PLPPR5: variants seen among roughly 807,000 people sequenced by gnomAD.
PLPPR5 encodes the protein phospholipid phosphatase related 5.
PLPPR5 carries 16 observed loss-of-function variants against 33.9 expected under a neutral mutation model. The observed-to-expected ratio is 0.47, with a 90% CI of 0.32 to 0.72. PLPPR5 has a LOEUF of 0.72. Ranked by LOEUF, PLPPR5 falls within the 30% of genes least tolerant of loss-of-function variation. The pLI is 0.03. For missense variants in PLPPR5, 301 were observed against 406.7 expected (o/e 0.74, Z 2.23); for synonymous variants, 163 against 150.3 (o/e 1.08, Z -0.62).
At chr1:98,933,448 A>C (rs992663082) in intron 3 of PLPPR5, among the ~76,000 whole-genome samples, 1 of 143,792 alleles carries the variant, frequency 7.0e-6, no homozygotes, top group Admixed American at 7.4e-5. Context: ...GTGCCACTGC[A>C]CTCCAGCCTG....
At chr1:98,911,937 G>A (rs1054663322) in intron 5 of PLPPR5, among the ~76,000 whole-genome samples, 2 of 151,920 alleles carry the variant, frequency 1.3e-5, no homozygotes, top group African/African-American at 2.4e-5. Flanking sequence ...TTTTTATTTT[G>A]TATTTTTTGT....
intron 3 of PLPPR5, among the ~76,000 whole-genome samples, chr1:98,940,039 G>A (rs537565127): frequency 6.6e-6 from 1 of 151,926 alleles, no homozygotes; most frequent in East Asian, 1.9e-4. Flanking sequence ...GAGTGGAATA[G>A]AGTGATCAAA....
At chr1:98,901,809 C>T (rs1380040818) in intron 5 of PLPPR5, among the ~76,000 whole-genome samples, 1 of 151,636 alleles carries the variant, frequency 6.6e-6, no homozygotes, top group African/African-American at 2.4e-5. Flanking sequence ...ATTGAGCTTA[C>T]AAAAATATAT....
intron 5 of PLPPR5, among the ~76,000 whole-genome samples, chr1:98,898,850 C>G (rs1477181194): frequency 6.6e-6 from 1 of 151,762 alleles, no homozygotes; most frequent in Non-Finnish European, 1.5e-5. Flanking sequence ...CTTTTTTTTA[C>G]TATTCAGAGA....
At chr1:98,992,598 T>C (rs1652485724) in intron 1 of PLPPR5, among the ~76,000 whole-genome samples, 2 of 152,176 alleles carry the variant, frequency 1.3e-5, no homozygotes. Flanking sequence ...ACTTTTTGTC[T>C]GAAAAGATTT....
intron 1 of PLPPR5, among the ~76,000 whole-genome samples, chr1:98,997,741 C>T (rs1437216952): frequency 6.6e-6 from 1 of 152,226 alleles, no homozygotes; most frequent in Non-Finnish European, 1.5e-5. Context: ...TAACCATCTC[C>T]AATGACCAGG....
intron 5 of PLPPR5, among the ~76,000 whole-genome samples, chr1:98,909,152 T>C (rs1436004329): frequency 6.6e-6 from 1 of 151,802 alleles, no homozygotes; most frequent in Admixed American, 6.6e-5. Context: ...GATAAGGTCA[T>C]GGTCCACTAA....
intron 5 of PLPPR5, among the ~76,000 whole-genome samples, chr1:98,909,281 T>G (rs1271591360): frequency 8.7e-6 from 1 of 114,504 alleles, no homozygotes. Flanking sequence ...TTCCCCTCCC[T>G]TCCCCGCCTC....
In PLPPR5 at chr1:98,892,337, T is replaced by A; in HGVS notation, c.*735A>T. 6.6e-6 allele frequency: 1 copy of A among 152,432 alleles called. No homozygotes were observed. The allele number at this position is 152,432 out of a possible 1,614,324, so 9.4% of individuals were successfully genotyped here. A position where few individuals can be genotyped will look rare whatever the true frequency, so the allele number is the denominator to read the frequency against. On this transcript the variant is annotated 3_prime_UTR_variant, in exon 6 of 6. Transcript: ENST00000263177. ...ACTGCCTGCATTCAAAAACAAGTCA[T>A]GAATTAAGCCACAATTGTCAGGAGA...
chr1:98,995,484 C>G (rs980262252), intron 1 of PLPPR5, among the ~76,000 whole-genome samples: 1 of 152,132 alleles, frequency 6.6e-6, no homozygotes, highest in Admixed American at 6.6e-5. Flanking sequence ...AAGAGACTTT[C>G]AAGCTATGTG....
At chr1:98,961,873 C>T (rs1651261714) in intron 1 of PLPPR5, among the ~76,000 whole-genome samples, 1 of 152,122 alleles carries the variant, frequency 6.6e-6, no homozygotes, top group South Asian at 2.1e-4. Context: ...GGACTTCATT[C>T]CTCCTAAGAC....
chr1:98,891,594 T>TG lies in PLPPR5; in HGVS notation c.*1477dup, dbSNP rs1235724820. 3 of 152,002 alleles carry TG rather than the reference T, an allele frequency of 2.0e-5. No homozygotes were observed. Among genetic ancestry groups the TG allele is most frequent in the Non-Finnish European group, 2.9e-5 (2 of 67,984 alleles). The allele number at this position is 152,002 out of a possible 1,614,324, so 9.4% of individuals were successfully genotyped here. ...CTCTGCTGAGTGGGAGGCTGGGACC[T>TG]GGGGGTGAGGGTGGAAGGGGAGATG... On this transcript the variant is annotated 3_prime_UTR_variant, in exon 6 of 6. Coordinates refer to ENST00000263177, the MANE Select transcript of PLPPR5 (RefSeq NM_001037317.2).
intron 5 of PLPPR5, among the ~76,000 whole-genome samples, chr1:98,913,404 A>T (rs1349679131): frequency 6.6e-6 from 1 of 152,144 alleles, no homozygotes; most frequent in Non-Finnish European, 1.5e-5. Flanking sequence ...CAATCCCCTC[A>T]TTCAGGGTAT....
At chr1:98,936,861 A>G (rs1218261228) in intron 3 of PLPPR5, among the ~76,000 whole-genome samples, 1 of 152,222 alleles carries the variant, frequency 6.6e-6, no homozygotes, top group Non-Finnish European at 1.5e-5. Flanking sequence ...TCTATTAGAA[A>G]GTCTTACTTC....
At chr1:98,947,623 T>G (rs1570723572) in intron 3 of PLPPR5, among the ~76,000 whole-genome samples, 1 of 152,312 alleles carries the variant, frequency 6.6e-6, no homozygotes, top group Non-Finnish European at 1.5e-5. Context: ...AAACACGCAG[T>G]TCATGGAGTA....
intron 4 of PLPPR5, among the ~76,000 whole-genome samples, chr1:98,916,255 C>G (rs1649344812): frequency 6.6e-6 from 1 of 152,146 alleles, no homozygotes. Context: ...GATTTCTTAT[C>G]CTTCCACTTC....
At chr1:98,956,132 C>T (rs79386248) in intron 2 of PLPPR5, among the ~76,000 whole-genome samples, 11 of 152,082 alleles carry the variant, frequency 7.2e-5, no homozygotes, top group Non-Finnish European at 1.2e-4. Context: ...TCGTGATGTT[C>T]GACAACCTAC....
At chr1:98,972,763 GATGA>G (rs1276350070) in intron 1 of PLPPR5, among the ~76,000 whole-genome samples, 2 of 152,020 alleles carry the variant, frequency 1.3e-5, no homozygotes, top group African/African-American at 4.8e-5. Flanking sequence ...TGCCTCAAGT[GATGA>G]ATGATTTGTC....
chr1:98,910,895 T>TG (rs1649120957), intron 5 of PLPPR5, among the ~76,000 whole-genome samples: 1 of 151,834 alleles, frequency 6.6e-6, no homozygotes, highest in African/African-American at 2.4e-5. Flanking sequence ...AGTGTTTTTT[T>TG]TTTTTTTTTT....
Sources: gnomAD v4.1 joint callset for allele counts (sites outside exome capture counted in the v4.1 genomes callset) on GRCh38, gnomAD v4.1.1 for gene constraint, MANE v1.5 for transcripts, NCBI Gene and HGNC (gene_info 2026-07-23, HGNC 2026-07-21) for gene names.